The following TRERF1 variants were observed in gnomAD, a reference collection of about 807,000 sequenced individuals.
TRERF1 encodes the protein transcriptional regulating factor 1.
TRERF1 carries 27 observed loss-of-function variants against 122.9 expected under a neutral mutation model. The ratio of observed to expected loss-of-function variants is 0.22; its 90% CI spans 0.16 to 0.30. The LOEUF (loss-of-function observed/expected upper bound fraction) is 0.30, where lower values mean the gene tolerates loss of function less well. TRERF1 is among the 10% of genes least tolerant of loss of function. TRERF1 has a pLI of 1.00. For missense variants in TRERF1, 1,248 were observed against 1,560.3 expected (o/e 0.80, Z 3.37); for synonymous variants, 636 against 641.7 (o/e 0.99, Z 0.13).
At chr6:42,382,414 G>A (rs1286462997) in intron 2 of TRERF1, among the ~76,000 whole-genome samples, 3 of 133,988 alleles carry the variant, frequency 2.2e-5, no homozygotes, top group African/African-American at 3.2e-5. Flanking sequence ...TCAAAGACGT[G>A]ATTAAAAAAA....
intron 3 of TRERF1, among the ~76,000 whole-genome samples, chr6:42,352,194 C>T (rs1434497347): frequency 6.6e-6 from 1 of 152,100 alleles, no homozygotes; most frequent in African/African-American, 2.4e-5. Context: ...GGGGTTTTGC[C>T]ATGTTGCCCA....
chr6:42,418,481 G>A (rs187455165), intron 2 of TRERF1, among the ~76,000 whole-genome samples: 2 of 152,016 alleles, frequency 1.3e-5, no homozygotes, highest in East Asian at 3.9e-4. Flanking sequence ...ATGTTGGCCA[G>A]GCTGGTCTCG....
rs1777392427 is a variant in TRERF1 at position 42,259,422 on chromosome 6, A to C, written c.2186T>G (p.Ile729Ser). The stretch of plus-strand genomic sequence containing the variant: ...GTGGGCGCCAGGGCCGTGGCCGGAG[A>C]TGAGGACATTGCTGAAGAGCCCCGA... Residue 729 changes from isoleucine (I) to serine (S), a missense_variant, in exon 9 of 18, where the codon ATC becomes AGC. This residue lies in a region of TRERF1 where 946 missense variants were observed against 1,073.0 expected (regional missense o/e 0.88). Coordinates refer to ENST00000372922, the Ensembl canonical transcript of TRERF1. This position sits in a 1 kb window ranked among gnomAD's most constrained non-coding sequence, Gnocchi z 4.9. 6.3e-7 allele frequency: 1 copy of C among 1,577,138 alleles called. No homozygotes were observed. The highest frequency in any genetic ancestry group is 1.4e-5 in the African/African-American group (1 of 73,906).
At chr6:42,225,024 A>ATCTC (rs1381395145), downstream of TRERF1, 1 of 152,128 alleles carries the variant, frequency 6.6e-6, no homozygotes, top group African/African-American at 2.4e-5. Context: ...GTTTGGTTAC[A>ATCTC]TCTCCATTTG....
chr6:42,393,684 A>G lies in TRERF1; in HGVS notation c.-453-30605T>C, dbSNP rs260277. On this transcript the variant is annotated intron_variant, in intron 2 of 17. Coordinates refer to ENST00000372922, the Ensembl canonical transcript of TRERF1. The surrounding 1 kb of genome is among the most constrained non-coding windows in gnomAD (Gnocchi z 4.1). The stretch of plus-strand genomic sequence containing the variant: ...AGCATTAGGTGAATGAGCAAAAGAA[A>G]TGGAAGGCAATTTAGATGACTAAAT... Among the ~76,000 whole-genome samples, 294 of 152,362 alleles carry G rather than the reference A, an allele frequency of 1.9e-3. 2 individuals are homozygous for G. Among genetic ancestry groups the G allele is most frequent in the African/African-American group, 6.9e-3 (288 of 41,580 alleles).
chr6:42,298,966 A>C (rs1367368096), intron 4 of TRERF1, among the ~76,000 whole-genome samples: 1 of 151,914 alleles, frequency 6.6e-6, no homozygotes, highest in African/African-American at 2.4e-5. Context: ...AAAACAAAAA[A>C]CAAACAAACA....
chr6:42,230,747 G>A (rs1051565112), intron 17 of TRERF1, among the ~76,000 whole-genome samples: 1 of 152,154 alleles, frequency 6.6e-6, no homozygotes, highest in Non-Finnish European at 1.5e-5. Context: ...GACCCACACC[G>A]AATCCCATCT....
chr6:42,259,413 T>A lies in TRERF1; in HGVS notation c.2195A>T (p.His732Leu). The A allele has an allele frequency of 6.4e-7, 1 of 1,552,744 alleles. No individual in the cohort carries two copies. The highest frequency in any genetic ancestry group is 8.6e-7 in the Non-Finnish European group (1 of 1,157,758). The change falls in exon 9 of 18, where the codon CAC (histidine) becomes CTC (leucine). Residue 732 changes from histidine to leucine, a missense_variant. Transcript: ENST00000372922. This position sits in a 1 kb window ranked among gnomAD's most constrained non-coding sequence, Gnocchi z 4.9. ...CAGCTGCGGGTGGGCGCCAGGGCCG[T>A]GGCCGGAGATGAGGACATTGCTGAA... is the stretch of plus-strand genomic sequence containing the variant.
rs146245523 is a variant in TRERF1 at position 42,279,556 on chromosome 6, T to A, written c.-258-9708A>T. Among the ~76,000 whole-genome samples, 273 of 152,184 alleles carry A rather than the reference T, an allele frequency of 1.8e-3. 2 individuals are homozygous for A. The highest frequency in any genetic ancestry group is 6.0e-3 in the African/African-American group (251 of 41,530). On this transcript the variant is annotated intron_variant, in intron 4 of 17. Coordinates refer to ENST00000372922, the Ensembl canonical transcript of TRERF1. ...AATTATTAATAGAAGAAAGCACAAG[T>A]CAAGCACCTGCAGGCTCTGTTGCTA...
intron 2 of TRERF1, among the ~76,000 whole-genome samples, chr6:42,450,379 C>A (rs1788254312): frequency 6.6e-6 from 1 of 152,228 alleles, no homozygotes; most frequent in South Asian, 2.1e-4. Context: ...CATTCCTAAG[C>A]ACGACTTCCA....
chr6:42,402,994 A>G (rs968135610), intron 2 of TRERF1, among the ~76,000 whole-genome samples: 2 of 152,152 alleles, frequency 1.3e-5, no homozygotes, highest in Admixed American at 6.5e-5. Flanking sequence ...AAGAGAGAGG[A>G]GCGAGGTCCA....
intron 17 of TRERF1, among the ~76,000 whole-genome samples, chr6:42,231,982 C>T (rs1478097023): frequency 6.6e-6 from 1 of 152,204 alleles, no homozygotes; most frequent in Non-Finnish European, 1.5e-5. Context: ...AGTGAGCTCA[C>T]ACACATAAAG....
intron 4 of TRERF1, among the ~76,000 whole-genome samples, chr6:42,300,161 G>A (rs1312709822): frequency 6.6e-6 from 1 of 152,228 alleles, no homozygotes; most frequent in African/African-American, 2.4e-5. Flanking sequence ...GAGACCAGCA[G>A]ACAGAACTAA....
chr6:42,359,758 A>C (rs966587222), intron 3 of TRERF1, among the ~76,000 whole-genome samples: 1 of 152,180 alleles, frequency 6.6e-6, no homozygotes, highest in African/African-American at 2.4e-5. Flanking sequence ...AAAAAACCCC[A>C]AAAATCAGCT....
intron 16 of TRERF1, among the ~76,000 whole-genome samples, chr6:42,235,842 T>C (rs1772033461): frequency 6.6e-6 from 1 of 152,160 alleles, no homozygotes. Flanking sequence ...CTAGTACATT[T>C]AAATGCATGT....
intron 8 of TRERF1, among the ~76,000 whole-genome samples, chr6:42,261,331 C>T (rs913521862): frequency 1.3e-5 from 2 of 152,178 alleles, no homozygotes; most frequent in African/African-American, 4.8e-5. Context: ...CCCTCTCCTC[C>T]AGCTTCTTGT....
At chr6:42,392,957 C>CACAG (rs1778006017) in intron 2 of TRERF1, among the ~76,000 whole-genome samples, 4 of 151,540 alleles carry the variant, frequency 2.6e-5, no homozygotes. Context: ...CACACACACA[C>CACAG]AGCAGTTGTC....
intron 10 of TRERF1, 95 bp downstream of exon 10, chr6:42,258,040 G>C: frequency 2.9e-6 from 3 of 1,037,468 alleles, no homozygotes; most frequent in Non-Finnish European, 4.3e-6. Context: ...TTCTACAACT[G>C]CTCTCTCAGT....
intron 3 of TRERF1, among the ~76,000 whole-genome samples, chr6:42,351,373 G>A (rs2150829128): frequency 6.6e-6 from 1 of 152,168 alleles, no homozygotes; most frequent in South Asian, 2.1e-4. Context: ...AAATCCAATG[G>A]TACTGTAATA....
Sources: gnomAD v4.1 joint callset for allele counts (sites outside exome capture counted in the v4.1 genomes callset) on GRCh38, gnomAD v4.1.1 for gene constraint, gnomAD v4.1.1 regional missense constraint, Gnocchi (gnomAD v3.1) non-coding constraint, MANE v1.5 for transcripts, NCBI Gene and HGNC (gene_info 2026-07-23, HGNC 2026-07-21) for gene names.